LEPR: variants seen among roughly 807,000 people sequenced by gnomAD.
LEPR encodes OB receptor.
In LEPR, 56 loss-of-function variants were observed where a neutral mutation model predicts 114.7. The observed-to-expected ratio is 0.49, with a 90% CI of 0.39 to 0.61. LEPR has a LOEUF of 0.61. Among genes scored for constraint, LEPR ranks in the 20% least tolerant of loss-of-function variants. The probability of loss-of-function intolerance (pLI) is 0.00; values close to 1 mark genes in which losing one functional copy is unlikely to be tolerated. For synonymous variants in LEPR, 443 were observed against 461.4 expected, an observed-to-expected ratio of 0.96 and a Z score of 0.51; for missense variants, 1,202 against 1,352.9, an observed-to-expected ratio of 0.89 and a Z score of 1.75.
At chr1:65,472,067 C>T (rs867078366) in intron 2 of LEPR, among the ~76,000 whole-genome samples, 5 of 151,984 alleles carry the variant, frequency 3.3e-5, no homozygotes, top group Non-Finnish European at 7.4e-5. Context: ...ACTTTAGTAA[C>T]GTAGTAAAAT....
At chr1:65,492,887 C>A (rs1028895731) in intron 2 of LEPR, among the ~76,000 whole-genome samples, 1 of 150,958 alleles carries the variant, frequency 6.6e-6, no homozygotes, top group Non-Finnish European at 1.5e-5. Context: ...TTCTGGGATA[C>A]ATGTGCAGGA....
chr1:65,474,017 T>G (rs764606612), intron 2 of LEPR, among the ~76,000 whole-genome samples: 5 of 152,230 alleles, frequency 3.3e-5, no homozygotes, highest in Non-Finnish European at 5.9e-5. Flanking sequence ...AAACATATTT[T>G]CAGTATCTTT....
At chr1:65,518,915 T>C (rs974599412) in intron 2 of LEPR, among the ~76,000 whole-genome samples, 15 of 81,276 alleles carry the variant, frequency 1.8e-4, no homozygotes, top group Admixed American at 7.0e-4. Flanking sequence ...CTTTCTTTCT[T>C]TCTCTCTTTC....
intron 5 of LEPR, among the ~76,000 whole-genome samples, chr1:65,587,080 T>C (rs966581485): frequency 3.9e-5 from 6 of 152,060 alleles, no homozygotes; most frequent in Non-Finnish European, 1.5e-5. Flanking sequence ...TAAAGTAAGA[T>C]GATGTGATTC....
chr1:65,442,246 T>C (rs189962656), intron 2 of LEPR, among the ~76,000 whole-genome samples: 2 of 152,282 alleles, frequency 1.3e-5, no homozygotes, highest in Non-Finnish European at 2.9e-5. Flanking sequence ...GGATCCCTGG[T>C]TTCACAACTC....
At chr1:65,492,378 T>G (rs896155867) in intron 2 of LEPR, among the ~76,000 whole-genome samples, 2 of 152,138 alleles carry the variant, frequency 1.3e-5, no homozygotes, top group East Asian at 1.9e-4. Flanking sequence ...TTTTCCTTAT[T>G]ATGCGTGAAG....
chr1:65,636,534 A>G lies in LEPR; in HGVS notation c.3017A>G (p.Asn1006Ser), dbSNP rs778889234. Reference protein sequence around the residue: ...SETGEEQGLINSSVTKCFSSK... With the variant: ...SETGEEQGLISSSVTKCFSSK... ...ACTGGTGAAGAACAAGGGCTTATAA[A>G]TAGTTCAGTCACCAAGTGCTTCTCT... is the stretch of plus-strand genomic sequence containing the variant. Residue 1006 changes from asparagine (N) to serine (S), a missense_variant, in exon 20 of 20, where the codon AAT becomes AGT. Physicochemically the swap from Asn to Ser is conservative, Grantham distance 46. Coordinates refer to ENST00000349533, the MANE Select transcript of LEPR (RefSeq NM_002303.6). 1 of 1,614,112 alleles carries G rather than the reference A, an allele frequency of 6.2e-7. No individual in the cohort carries two copies. Among genetic ancestry groups the G allele is most frequent in the African/African-American group, 1.3e-5 (1 of 75,042 alleles).
intron 2 of LEPR, among the ~76,000 whole-genome samples, chr1:65,490,907 C>T (rs534940342): frequency 5.3e-5 from 8 of 152,146 alleles, no homozygotes; most frequent in African/African-American, 1.4e-4. Context: ...GTGACTATAT[C>T]GATGATTTCA....
In LEPR at chr1:65,502,966, A is replaced by G. The variant is rs919176547; in HGVS notation, c.-20-62580A>G. ...AGTTAATACAAAAAGAAGGGTGAGCAGGCAAAATGGGGGAGGGTATGGATG... is the reference window on the plus strand; with the variant it reads ...AGTTAATACAAAAAGAAGGGTGAGCGGGCAAAATGGGGGAGGGTATGGATG... On this transcript the variant is annotated intron_variant, in intron 2 of 19. Transcript: ENST00000349533. Among the ~76,000 whole-genome samples, 38 of 151,576 alleles carry G rather than the reference A, an allele frequency of 2.5e-4. 1 individual carries two copies. The highest frequency in any genetic ancestry group is 9.0e-4 in the African/African-American group (37 of 41,340).
chr1:65,546,166 T>C (rs1651699462), intron 2 of LEPR, among the ~76,000 whole-genome samples: 1 of 152,232 alleles, frequency 6.6e-6, no homozygotes, highest in Non-Finnish European at 1.5e-5. Flanking sequence ...CATTGATCTA[T>C]ATCTCTGTTT....
intron 2 of LEPR, among the ~76,000 whole-genome samples, chr1:65,537,306 T>TA (rs1173574717): frequency 6.6e-6 from 1 of 152,024 alleles, no homozygotes; most frequent in Non-Finnish European, 1.5e-5. Flanking sequence ...TGTACATGGT[T>TA]AAAAAAAACT....
chr1:65,537,046 A>C (rs557713815), intron 2 of LEPR, among the ~76,000 whole-genome samples: 2 of 152,306 alleles, frequency 1.3e-5, no homozygotes, highest in East Asian at 3.9e-4. Context: ...AGCTGCTACC[A>C]GGCCATCGGG....
intron 2 of LEPR, among the ~76,000 whole-genome samples, chr1:65,529,525 GAAAA>G (rs1453703866): frequency 4.0e-5 from 2 of 49,872 alleles, no homozygotes; most frequent in Non-Finnish European, 7.0e-5. Flanking sequence ...GTCTCAAAAA[GAAAA>G]AGAAAGGAAG....
intron 2 of LEPR, among the ~76,000 whole-genome samples, chr1:65,541,858 T>C: frequency 6.6e-6 from 1 of 152,320 alleles, no homozygotes; most frequent in South Asian, 2.1e-4. Flanking sequence ...ACTCATAAAC[T>C]TTCCTACACA....
At chr1:65,450,769 T>G (rs1458693314) in intron 2 of LEPR, among the ~76,000 whole-genome samples, 1 of 151,398 alleles carries the variant, frequency 6.6e-6, no homozygotes, top group Non-Finnish European at 1.5e-5. Flanking sequence ...CAGCATGATT[T>G]ATAGTCCTTT....
In LEPR at chr1:65,426,638, G is replaced by A. The variant is rs144354825; in HGVS notation, c.-21+1260G>A. ...CAACAGGTTTTGTTCATCGATGTCA[G>A]GATTCAACAAGGAGGGAGAGTTCTT... On this transcript the variant is annotated intron_variant, in intron 2 of 19. Transcript: ENST00000349533. 3.1e-3 allele frequency among the ~76,000 whole-genome samples: 465 copies of A among 152,266 alleles called. 1 individual carries two copies. Among genetic ancestry groups the A allele is most frequent in the African/African-American group, 0.011 (446 of 41,544 alleles).
intron 10 of LEPR, among the ~76,000 whole-genome samples, chr1:65,602,685 G>A (rs1379303727): frequency 6.6e-6 from 1 of 151,976 alleles, no homozygotes; most frequent in Non-Finnish European, 1.5e-5. Context: ...TTGTAGTGGA[G>A]ACTTTCAATT....
chr1:65,431,827 G>T, intron 2 of LEPR: 1 of 1,613,820 alleles, frequency 6.2e-7, no homozygotes, highest in Non-Finnish European at 8.5e-7. Context: ...CTGCGGCCTT[G>T]TGTTGGCAGG....
chr1:65,536,250 T>C (rs1171263), intron 2 of LEPR, among the ~76,000 whole-genome samples: 110,409 of 151,920 alleles, frequency 0.73, 41,225 homozygotes, highest in Middle Eastern at 0.9. Context: ...GGCTTGTCCC[T>C]CCTCTCTCTT....
Sources: allele counts gnomAD v4.1 joint callset (sites outside exome capture counted in the v4.1 genomes callset), GRCh38; gene constraint gnomAD v4.1.1; transcripts MANE v1.5; gene names NCBI Gene and HGNC (gene_info 2026-07-23, HGNC 2026-07-21).